SLC24A2: variants seen among roughly 807,000 people sequenced by gnomAD.
The protein encoded by SLC24A2 is solute carrier family 24 member 2.
Under a neutral mutation model 62.0 loss-of-function variants are expected in SLC24A2, and 36 were observed. The observed-to-expected ratio is 0.58, with a 90% CI of 0.44 to 0.77. SLC24A2 has a LOEUF of 0.77. Among genes scored for constraint, SLC24A2 ranks in the 30% least tolerant of loss-of-function variants. The probability of loss-of-function intolerance (pLI) is 0.00; values close to 1 mark genes in which losing one functional copy is unlikely to be tolerated. For synonymous variants in SLC24A2, 358 were observed against 294.0 expected, an observed-to-expected ratio of 1.22 and a Z score of -2.23; for missense variants, 846 against 817.9, an observed-to-expected ratio of 1.03 and a Z score of -0.42.
intron 2 of SLC24A2, among the ~76,000 whole-genome samples, chr9:19,769,724 G>C (rs1030749768): frequency 6.6e-6 from 1 of 152,140 alleles, no homozygotes; most frequent in Non-Finnish European, 1.5e-5. Flanking sequence ...GTGGGGATCA[G>C]AGCCCATGTT....
the SLC24A2 span, among the ~76,000 whole-genome samples, chr9:20,059,185 T>C: frequency 6.6e-6 from 1 of 152,326 alleles, no homozygotes; most frequent in Non-Finnish European, 1.5e-5. Flanking sequence ...TATCCTGGAT[T>C]ATCCAGCTTG....
chr9:19,569,917 G>T (rs1196625292), intron 7 of SLC24A2, among the ~76,000 whole-genome samples: 1 of 152,112 alleles, frequency 6.6e-6, no homozygotes, highest in African/African-American at 2.4e-5. Flanking sequence ...TTGAACTTCA[G>T]TCTCAGTTCA....
chr9:19,755,457 T>C (rs1247802929), intron 2 of SLC24A2, among the ~76,000 whole-genome samples: 1 of 152,188 alleles, frequency 6.6e-6, no homozygotes, highest in Non-Finnish European at 1.5e-5. Flanking sequence ...AAAAAATAAT[T>C]GAAACTTATT....
At chr9:20,093,330 C>T in the SLC24A2 span, among the ~76,000 whole-genome samples, 2 of 152,116 alleles carry the variant, frequency 1.3e-5, no homozygotes, top group Non-Finnish European at 2.9e-5. Context: ...CCTCGGCCTC[C>T]CAAAGTGCTG....
rs139426810 is a variant in SLC24A2, at chr9:19,660,997, G to A, written c.931-38698C>T. 4.2e-3 allele frequency among the ~76,000 whole-genome samples: 634 copies of A among 152,252 alleles called. 3 individuals carry two copies. The highest frequency in any genetic ancestry group is 5.9e-3 in the Non-Finnish European group (402 of 68,014). ...ACATCCAGTAATTCTGGCCCAGTGG[G>A]GTATGGCTAGTACACCAGAGCCTGC... On this transcript the variant is annotated intron_variant, in intron 2 of 10. Transcript: ENST00000341998.
At chr9:20,178,971 G>C in the SLC24A2 span, among the ~76,000 whole-genome samples, 1 of 152,214 alleles carries the variant, frequency 6.6e-6, no homozygotes, top group African/African-American at 2.4e-5. Context: ...AAAGACCTGT[G>C]TCCAAAATCA....
chr9:20,210,462 A>G, the SLC24A2 span, among the ~76,000 whole-genome samples: 1 of 152,110 alleles, frequency 6.6e-6, no homozygotes, highest in South Asian at 2.1e-4. Flanking sequence ...CATCATGCAG[A>G]AGGCAGAAGG....
At chr9:19,850,982 T>TATATATATAC in the SLC24A2 span, among the ~76,000 whole-genome samples, 1 of 42,178 alleles carries the variant, frequency 2.4e-5, no homozygotes, top group Non-Finnish European at 4.7e-5. Context: ...TATATATATA[T>TATATATATAC]ATGTATATAT....
chr9:19,613,761 G>A (rs1817690948), intron 4 of SLC24A2, among the ~76,000 whole-genome samples: 1 of 152,142 alleles, frequency 6.6e-6, no homozygotes, highest in Non-Finnish European at 1.5e-5. Flanking sequence ...AGGAATGCTG[G>A]GTTGGACATG....
chr9:19,815,291 T>C, the SLC24A2 span, among the ~76,000 whole-genome samples: 1 of 152,156 alleles, frequency 6.6e-6, no homozygotes, highest in African/African-American at 2.4e-5. Flanking sequence ...ACTTAATTTT[T>C]CAAATTCTCA....
the SLC24A2 span, among the ~76,000 whole-genome samples, chr9:19,905,693 C>A: frequency 2.6e-5 from 4 of 152,028 alleles, no homozygotes; most frequent in African/African-American, 9.7e-5. Flanking sequence ...CCGAGCCCAG[C>A]CCCCTTCCCA....
the SLC24A2 span, among the ~76,000 whole-genome samples, chr9:20,305,190 C>G: frequency 6.7e-6 from 1 of 149,582 alleles, no homozygotes; most frequent in African/African-American, 2.5e-5. Flanking sequence ...CTCCCTGCAT[C>G]TCTGCCTCGC....
At chr9:20,118,143 T>C in the SLC24A2 span, among the ~76,000 whole-genome samples, 2 of 152,214 alleles carry the variant, frequency 1.3e-5, no homozygotes, top group East Asian at 3.9e-4. Context: ...TTGTGGCTCA[T>C]AGGCGACTTA....
At chr9:19,639,333 A>G (rs535018589) in intron 2 of SLC24A2, among the ~76,000 whole-genome samples, 244 of 152,334 alleles carry the variant, frequency 1.6e-3, no homozygotes, top group Non-Finnish European at 3.0e-3. Flanking sequence ...ATCAGTAGGT[A>G]AAGTTTGTTT....
At chr9:20,277,125 T>A in the SLC24A2 span, among the ~76,000 whole-genome samples, 3 of 152,190 alleles carry the variant, frequency 2.0e-5, no homozygotes, top group African/African-American at 4.8e-5. Flanking sequence ...GGTTTTCCCA[T>A]AAAAGCCCTA....
At chr9:20,283,952 C>T in the SLC24A2 span, among the ~76,000 whole-genome samples, 10 of 152,252 alleles carry the variant, frequency 6.6e-5, no homozygotes, top group East Asian at 1.9e-3. Context: ...TCATACTTCA[C>T]CATTTTGTCT....
chr9:20,133,010 T>C, the SLC24A2 span, among the ~76,000 whole-genome samples: 1 of 152,136 alleles, frequency 6.6e-6, no homozygotes, highest in African/African-American at 2.4e-5. Context: ...GAACCAAATT[T>C]CAATCTCAAT....
At chr9:19,854,364 T>C in the SLC24A2 span, among the ~76,000 whole-genome samples, 1 of 152,168 alleles carries the variant, frequency 6.6e-6, no homozygotes, top group African/African-American at 2.4e-5. Context: ...TTGTTAGTTC[T>C]TGGTTCTCTA....
At chr9:19,567,099 A>T (rs1049505655) in intron 7 of SLC24A2, among the ~76,000 whole-genome samples, 2 of 150,550 alleles carry the variant, frequency 1.3e-5, no homozygotes, top group African/African-American at 4.9e-5. Flanking sequence ...CCTAGAACTT[A>T]AAGTATAATA....
Sources: gnomAD v4.1 joint callset for allele counts (sites outside exome capture counted in the v4.1 genomes callset) on GRCh38, gnomAD v4.1.1 for gene constraint, MANE v1.5 for transcripts, NCBI Gene and HGNC (gene_info 2026-07-23, HGNC 2026-07-21) for gene names.